The following DENND1A variants were observed in gnomAD, a reference collection of about 807,000 sequenced individuals.
DENND1A encodes DENN domain containing 1A.
A neutral mutation model predicts 113.7 loss-of-function variants in DENND1A; 51 were observed. The observed-to-expected ratio is 0.45, with a 90% confidence interval of 0.36 to 0.57. The LOEUF (loss-of-function observed/expected upper bound fraction) is 0.57. DENND1A is among the 20% of genes least tolerant of loss of function. The pLI, the probability that DENND1A is intolerant of heterozygous loss-of-function variation, is 0.00. For missense variants in DENND1A, 1,258 were observed against 1,395.9 expected (o/e 0.90, Z 1.57); for synonymous variants, 565 against 570.8 (o/e 0.99, Z 0.14).
intron 11 of DENND1A, among the ~76,000 whole-genome samples, chr9:123,585,198 C>G (rs1487505481): frequency 2.6e-5 from 4 of 152,190 alleles, no homozygotes. Context: ...TGGGGCTTGT[C>G]CATAAACCTA....
intron 1 of DENND1A, among the ~76,000 whole-genome samples, chr9:123,912,990 A>G (rs1588214355): frequency 6.6e-6 from 1 of 152,042 alleles, no homozygotes; most frequent in African/African-American, 2.4e-5. Context: ...GGAATCCTTC[A>G]CCTTGGATGT....
chr9:123,915,756 G>A (rs556484073), intron 1 of DENND1A, among the ~76,000 whole-genome samples: 1 of 152,194 alleles, frequency 6.6e-6, no homozygotes, highest in Non-Finnish European at 1.5e-5. Flanking sequence ...TCTCCAAAGA[G>A]TGGGACTAGG....
intron 19 of DENND1A, among the ~76,000 whole-genome samples, chr9:123,421,016 C>T (rs140452248): frequency 6.0e-5 from 9 of 149,898 alleles, no homozygotes; most frequent in Admixed American, 1.3e-4. Flanking sequence ...ACCTCGCTGA[C>T]GTATGCCATT....
chr9:123,897,606 C>CA (rs771493007), intron 1 of DENND1A, among the ~76,000 whole-genome samples: 1 of 152,172 alleles, frequency 6.6e-6, no homozygotes, highest in Non-Finnish European at 1.5e-5. Flanking sequence ...CAAGAGAGGG[C>CA]AGTTCAAGAA....
chr9:123,772,014 C>T (rs566596733), intron 3 of DENND1A, among the ~76,000 whole-genome samples: 22 of 152,102 alleles, frequency 1.4e-4, no homozygotes, highest in African/African-American at 4.8e-4. Context: ...GAAGAAAAAA[C>T]AAAAATGAGC....
At chr9:123,663,438 A>G (rs2063344364) in intron 8 of DENND1A, among the ~76,000 whole-genome samples, 1 of 152,252 alleles carries the variant, frequency 6.6e-6, no homozygotes, top group Non-Finnish European at 1.5e-5. Context: ...GTTCACCGCC[A>G]TAAAAGAGTG....
intron 2 of DENND1A, among the ~76,000 whole-genome samples, chr9:123,845,569 C>A (rs1030189704): frequency 2.8e-5 from 4 of 145,020 alleles, no homozygotes; most frequent in African/African-American, 7.7e-5. Flanking sequence ...ACTTGCAAAG[C>A]GGAGGTGGGA....
chr9:123,831,205 G>A (rs1234280055), intron 2 of DENND1A, among the ~76,000 whole-genome samples: 1 of 151,808 alleles, frequency 6.6e-6, no homozygotes, highest in Non-Finnish European at 1.5e-5. Flanking sequence ...CAATAGCAGA[G>A]AACACTAAAT....
chr9:123,409,622 A>C (rs1219006227), intron 20 of DENND1A, among the ~76,000 whole-genome samples: 1 of 152,082 alleles, frequency 6.6e-6, no homozygotes, highest in South Asian at 2.1e-4. Context: ...GTTACCAAGC[A>C]TCAGTTTTCT....
chr9:123,486,609 T>C (rs2564366), intron 13 of DENND1A, among the ~76,000 whole-genome samples: 149,145 of 152,300 alleles, frequency 0.98, 73,082 homozygotes, highest in Middle Eastern at 1. Flanking sequence ...ACCAACTAAA[T>C]GGCATGTGTC....
At chr9:123,581,695 C>A (rs1192556824) in intron 12 of DENND1A, among the ~76,000 whole-genome samples, 2 of 152,132 alleles carry the variant, frequency 1.3e-5, no homozygotes, top group African/African-American at 4.8e-5. Context: ...AGAACAGCTA[C>A]CCACAGGGTG....
intron 11 of DENND1A, 81 bp from the exon 12 acceptor site, chr9:123,583,351 G>A: frequency 9.8e-7 from 1 of 1,020,310 alleles, no homozygotes; most frequent in Non-Finnish European, 1.5e-6. Flanking sequence ...CTGGGGAAGA[G>A]GCATAGAGAA....
chr9:123,638,852 T>G (rs2138957685), intron 9 of DENND1A, among the ~76,000 whole-genome samples: 1 of 151,850 alleles, frequency 6.6e-6, no homozygotes, highest in Middle Eastern at 3.4e-3. Context: ...TATTTCTATT[T>G]CTTTGACAAT....
chr9:123,420,746 G>GC (rs1325308944), intron 19 of DENND1A, among the ~76,000 whole-genome samples: 1 of 152,014 alleles, frequency 6.6e-6, no homozygotes, highest in African/African-American at 2.4e-5. Context: ...TACTTCCCGT[G>GC]CAAAGAGCTC....
intron 5 of DENND1A, among the ~76,000 whole-genome samples, chr9:123,747,961 T>C (rs1451762593): frequency 6.6e-6 from 1 of 152,068 alleles, no homozygotes; most frequent in East Asian, 1.9e-4. Context: ...AGCTCACATG[T>C]TAAGATAAAA....
chr9:123,894,513 A>G (rs1850409630), intron 1 of DENND1A, among the ~76,000 whole-genome samples: 1 of 152,228 alleles, frequency 6.6e-6, no homozygotes, highest in Non-Finnish European at 1.5e-5. Flanking sequence ...TTGATAAAAC[A>G]AAATGCTGTG....
At chr9:123,830,507 A>G (rs897689016) in intron 2 of DENND1A, among the ~76,000 whole-genome samples, 9 of 152,132 alleles carry the variant, frequency 5.9e-5, no homozygotes, top group African/African-American at 2.2e-4. Context: ...AAAAAACTCA[A>G]TTAAAAAAAC....
At chr9:123,713,056 C>T (rs770338979) in intron 5 of DENND1A, among the ~76,000 whole-genome samples, 6 of 152,078 alleles carry the variant, frequency 3.9e-5, no homozygotes, top group Non-Finnish European at 8.8e-5. Context: ...AAAACTTCAC[C>T]GCCTATACGA....
chr9:123,431,481 C>T (rs1456703881), intron 19 of DENND1A, among the ~76,000 whole-genome samples: 3 of 152,250 alleles, frequency 2.0e-5, no homozygotes, highest in Admixed American at 6.5e-5. Flanking sequence ...CACTGGCCCT[C>T]TCACTACAAC....
Sources: gnomAD v4.1 joint callset for allele counts (sites outside exome capture counted in the v4.1 genomes callset) on GRCh38, gnomAD v4.1.1 for gene constraint, MANE v1.5 for transcripts, NCBI Gene and HGNC (gene_info 2026-07-23, HGNC 2026-07-21) for gene names.